Variants in ERI1 observed in about 807,000 individuals in gnomAD.
ERI1 encodes the protein exoribonuclease 1, also known as 3'-5' exoribonuclease 1.
In ERI1, 39 loss-of-function variants were observed where a neutral mutation model predicts 39.7. The ratio of observed to expected loss-of-function variants is 0.98; its 90% CI spans 0.76 to 1.28. The LOEUF is 1.28. Ranked by LOEUF, ERI1 falls within the 50% of genes most tolerant of loss-of-function variation. ERI1 has a pLI of 0.00. For missense variants in ERI1, 581 were observed against 416.9 expected (o/e 1.39, Z -3.43); for synonymous variants, 204 against 149.6 (o/e 1.36, Z -2.65).
chr8:9,037,157 G>C (rs1167937855), downstream of ERI1, among the ~76,000 whole-genome samples: 1 of 152,106 alleles, frequency 6.6e-6, no homozygotes, highest in Non-Finnish European at 1.5e-5. Context: ...ATTTCTGATG[G>C]GATAAAACTC....
At position 9,018,282 on chromosome 8, in the gene ERI1, C is replaced by G; in HGVS notation, c.583-15C>G. Reference sequence around the variant, plus strand: ...GCAGCCCTGATTTTTGTATATTTTACTTTTATATCCTCAGGATCAGGTAGA... The same window carrying G: ...GCAGCCCTGATTTTTGTATATTTTAGTTTTATATCCTCAGGATCAGGTAGA... On this transcript the variant is annotated splice_polypyrimidine_tract_variant and intron_variant, in intron 4 of 6. Coordinates refer to ENST00000250263, the MANE Select transcript of ERI1 (RefSeq NM_153332.4). The G allele has an allele frequency of 2.0e-6, 3 of 1,535,116 alleles. No homozygotes were observed. Among genetic ancestry groups the G allele is most frequent in the Non-Finnish European group, 2.7e-6 (3 of 1,116,254 alleles).
At chr8:9,086,572 C>G (rs184566233) in intron 3 of ERI1, among the ~76,000 whole-genome samples, 38 of 152,244 alleles carry the variant, frequency 2.5e-4, no homozygotes, top group African/African-American at 7.9e-4. Flanking sequence ...CCAACCAATT[C>G]ATTCTGTTTG....
chr8:9,093,520 A>AAG (rs1554443498), intron 3 of ERI1, among the ~76,000 whole-genome samples: 4,373 of 149,044 alleles, frequency 0.029, 211 homozygotes, highest in African/African-American at 0.1. Flanking sequence ...AAAAAAAAAA[A>AAG]AAGAAGAAGA....
chr8:9,037,539 T>C (rs1797890841), downstream of ERI1, among the ~76,000 whole-genome samples: 1 of 152,028 alleles, frequency 6.6e-6, no homozygotes, highest in Non-Finnish European at 1.5e-5. Flanking sequence ...GTGTAAATTA[T>C]TCAGGCACAG....
chr8:9,074,336 C>T (rs1799142686), intron 3 of ERI1, among the ~76,000 whole-genome samples: 1 of 149,950 alleles, frequency 6.7e-6, no homozygotes, highest in Non-Finnish European at 1.5e-5. Flanking sequence ...GACTTGAACT[C>T]CTGACCTTGA....
intron 3 of ERI1, among the ~76,000 whole-genome samples, chr8:9,068,389 T>A: frequency 6.6e-6 from 1 of 152,148 alleles, no homozygotes; most frequent in East Asian, 1.9e-4. Flanking sequence ...CAAGCTGCAG[T>A]GCAGTGGCAG....
At chr8:9,073,383 A>G (rs1454888520) in intron 3 of ERI1, among the ~76,000 whole-genome samples, 2 of 152,218 alleles carry the variant, frequency 1.3e-5, no homozygotes, top group African/African-American at 4.8e-5. Flanking sequence ...CAATACTTCC[A>G]AGAAGGGTAA....
chr8:9,019,173 A>C (rs1817622343), intron 5 of ERI1, among the ~76,000 whole-genome samples: 1 of 152,218 alleles, frequency 6.6e-6, no homozygotes, highest in African/African-American at 2.4e-5. Context: ...CAGAAAGATT[A>C]AAACATAGAT....
At chr8:9,089,723 T>A (rs1799646283) in intron 3 of ERI1, among the ~76,000 whole-genome samples, 1 of 152,124 alleles carries the variant, frequency 6.6e-6, no homozygotes, top group African/African-American at 2.4e-5. Flanking sequence ...ATGACGAGGT[T>A]TGTGTAGCCG....
intron 1 of ERI1, among the ~76,000 whole-genome samples, chr8:9,005,342 A>T (rs963036448): frequency 1.3e-5 from 2 of 152,140 alleles, no homozygotes; most frequent in Non-Finnish European, 2.9e-5. Context: ...GCTTACTGTT[A>T]AAATGTGTTT....
chr8:9,020,645 C>G (rs939607053), intron 6 of ERI1, among the ~76,000 whole-genome samples, 181 bp downstream of exon 6: 7 of 152,162 alleles, frequency 4.6e-5, no homozygotes, highest in Non-Finnish European at 8.8e-5. Flanking sequence ...CTCATTCAAC[C>G]TGTTAACTTT....
chr8:9,066,956 C>T (rs961664360), intron 3 of ERI1, among the ~76,000 whole-genome samples: 11 of 152,094 alleles, frequency 7.2e-5, no homozygotes, highest in Admixed American at 3.9e-4. Context: ...TGCAATGTGG[C>T]AGATGGGAAT....
Position 9,011,640 on chromosome 8 carries a change from A to T in ERI1, c.386A>T (p.Tyr129Phe). Residue 129 changes from tyrosine to phenylalanine, a missense_variant, in exon 3 of 7, where the codon TAC (tyrosine) becomes TTC (phenylalanine). Tyr to Phe is a conservative substitution (Grantham distance 22). Coordinates refer to ENST00000250263, the MANE Select transcript of ERI1 (RefSeq NM_153332.4). ...ESNFADSYYD[Y>F]ICIIDFEATC... ...AATTTTGCTGACAGTTATTATGACT[A>T]CATTTGTATTATTGACTTTGAAGCC... 6.2e-7 allele frequency: 1 copy of T among 1,613,596 alleles called. No individual in the cohort carries two copies. Among genetic ancestry groups the T allele is most frequent in the Non-Finnish European group, 8.5e-7 (1 of 1,179,624 alleles).
chr8:9,019,528 C>G (rs995004090), intron 5 of ERI1, among the ~76,000 whole-genome samples: 1 of 152,114 alleles, frequency 6.6e-6, no homozygotes, highest in African/African-American at 2.4e-5. Flanking sequence ...CACTCAAAAC[C>G]TATGCAATTT....
At chr8:9,057,840 G>C (rs1423543971) in intron 3 of ERI1, among the ~76,000 whole-genome samples, 1 of 152,198 alleles carries the variant, frequency 6.6e-6, no homozygotes, top group Non-Finnish European at 1.5e-5. Context: ...AGCCTTGGGA[G>C]CTGCCTGGGG....
intron 3 of ERI1, among the ~76,000 whole-genome samples, chr8:9,042,714 C>A (rs1250594493): frequency 2.6e-5 from 4 of 152,140 alleles, no homozygotes; most frequent in Non-Finnish European, 5.9e-5. Flanking sequence ...ATCCCTAGTG[C>A]GAGAATCAGA....
rs1337428826 is a variant in ERI1 at position 9,053,259 on chromosome 8, C to T, written n.299+32795C>T. 5.3e-5 allele frequency among the ~76,000 whole-genome samples: 8 copies of T among 152,262 alleles called. No individual in the cohort carries two copies. The East Asian group carries it at 9.7e-4, about 18-fold the overall frequency. Reference sequence around the variant, plus strand: ...CTCGAACTCCTGACCTCAAGTGGTCCGCCTGCCTTGGCCTCTCAAATTGCT... The same window carrying T: ...CTCGAACTCCTGACCTCAAGTGGTCTGCCTGCCTTGGCCTCTCAAATTGCT... On this transcript the variant is annotated intron_variant and non_coding_transcript_variant, in intron 3 of 3. Transcript: ENST00000518663.
intron 3 of ERI1, among the ~76,000 whole-genome samples, chr8:9,094,384 C>A (rs994691910): frequency 6.6e-6 from 1 of 152,168 alleles, no homozygotes; most frequent in Non-Finnish European, 1.5e-5. Context: ...TGATATTTGC[C>A]TCGCAATCCC....
At chr8:9,064,814 A>C (rs576195878) in intron 3 of ERI1, among the ~76,000 whole-genome samples, 1 of 152,302 alleles carries the variant, frequency 6.6e-6, no homozygotes, top group Non-Finnish European at 1.5e-5. Context: ...CCATGTGAAG[A>C]GACCACCAAA....
Sources: allele counts gnomAD v4.1 joint callset (sites outside exome capture counted in the v4.1 genomes callset), GRCh38; gene constraint gnomAD v4.1.1; transcripts MANE v1.5; gene names NCBI Gene and HGNC (gene_info 2026-07-23, HGNC 2026-07-21).